Variants in MROH2B observed in about 807,000 individuals in gnomAD.
The protein encoded by MROH2B is maestro heat-like repeat-containing protein family member 2B.
MROH2B carries 177 observed loss-of-function variants against 208.6 expected under a neutral mutation model. The ratio of observed to expected loss-of-function variants is 0.85; its 90% CI spans 0.75 to 0.96. The LOEUF (loss-of-function observed/expected upper bound fraction) is 0.96. MROH2B is among the 40% of genes least tolerant of loss of function. The pLI, the probability that MROH2B is intolerant of heterozygous loss-of-function variation, is 0.00. For missense variants in MROH2B, 2,002 were observed against 1,878.7 expected, an observed-to-expected ratio of 1.07 and a Z score of -1.21; for synonymous variants, 728 against 659.0, an observed-to-expected ratio of 1.10 and a Z score of -1.60.
intron 6 of MROH2B, among the ~76,000 whole-genome samples, chr5:41,058,719 T>C (rs1390465426): frequency 6.6e-6 from 1 of 152,174 alleles, no homozygotes; most frequent in Non-Finnish European, 1.5e-5. Context: ...CACTTTCTTT[T>C]AGTATATTAA....
chr5:41,009,278 A>G lies in MROH2B; in HGVS notation c.3420+2T>C. 1 of 1,613,786 alleles carries G rather than the reference A, an allele frequency of 6.2e-7. No homozygotes were observed. Among genetic ancestry groups the G allele is most frequent in the Non-Finnish European group, 8.5e-7 (1 of 1,179,762 alleles). ...GTGATGGGTTCAGGCTGTCCAACTC[A>G]CTGAAATTGCCTCAACCCTGGCGAT... On this transcript the variant is annotated splice_donor_variant, in intron 32 of 41. Transcript: ENST00000399564. LOFTEE classifies it high-confidence loss of function.
intron 11 of MROH2B, among the ~76,000 whole-genome samples, chr5:41,053,575 A>G (rs1028782529): frequency 2.0e-5 from 3 of 152,194 alleles, no homozygotes; most frequent in African/African-American, 2.4e-5. Flanking sequence ...ACCATTTTGA[A>G]CAGGGAAGCA....
chr5:41,010,894 C>G (rs1292303451), intron 30 of MROH2B, among the ~76,000 whole-genome samples: 1 of 152,144 alleles, frequency 6.6e-6, no homozygotes, highest in East Asian at 1.9e-4. Context: ...TAGATGGGAA[C>G]TGTGCTTAAT....
intron 21 of MROH2B, among the ~76,000 whole-genome samples, chr5:41,034,342 C>G (rs1025220362): frequency 5.3e-5 from 8 of 152,082 alleles, no homozygotes; most frequent in African/African-American, 1.9e-4. Context: ...TCAGAGAATA[C>G]TTTTAGTACA....
rs539774596 is a variant in MROH2B, at chr5:41,039,439, T to G, written c.2061+9A>C. The G allele has an allele frequency of 1.4e-5, 21 of 1,517,826 alleles. No individual in the cohort carries two copies. In the African/African-American group the frequency reaches 2.9e-4, roughly 21 times the overall value. The allele number at this position is 1,517,826 out of a possible 1,614,324, so 94.0% of individuals were successfully genotyped here. A position where few individuals can be genotyped will look rare whatever the true frequency, so the allele number is the denominator to read the frequency against. On this transcript the variant is annotated intron_variant, in intron 20 of 41. Transcript: ENST00000399564. ...ATACTGAGAATTTGAAGGAGATGAT[T>G]CTTCTTACCTTACATCGATTCATGA...
chr5:41,023,667 C>A (rs1742242253), intron 24 of MROH2B, among the ~76,000 whole-genome samples: 1 of 152,036 alleles, frequency 6.6e-6, no homozygotes, highest in South Asian at 2.1e-4. Flanking sequence ...CATTCAAATT[C>A]AGGAAATACA....
intron 18 of MROH2B, among the ~76,000 whole-genome samples, chr5:41,045,390 GGC>G (rs1262208618): frequency 1.3e-5 from 2 of 152,140 alleles, no homozygotes; most frequent in Non-Finnish European, 2.9e-5. Context: ...TCACAAGACT[GGC>G]ATAATGGAAG....
intron 21 of MROH2B, chr5:41,034,125 G>C: frequency 1.1e-6 from 1 of 938,320 alleles, no homozygotes. Flanking sequence ...TTCGAGTCTT[G>C]TGTTTTCAGC....
rs1486304665 is a variant in MROH2B at position 41,005,483 on chromosome 5, A to T, written c.3864+48T>A. ...CTGGGCTCCAGACCATAAGAGAAAT[A>T]CCCTATGGGGACCCAGTGAGTGTGC... On this transcript the variant is annotated intron_variant, in intron 35 of 41. Coordinates refer to ENST00000399564, the MANE Select transcript of MROH2B (RefSeq NM_173489.5). 2.4e-6 allele frequency: 3 copies of T among 1,234,546 alleles called. No homozygotes were observed. In the Admixed American group the frequency reaches 6.7e-5, roughly 28 times the overall value. The allele number at this position is 1,234,546 out of a possible 1,614,324, so 76.5% of individuals were successfully genotyped here. A position where few individuals can be genotyped will look rare whatever the true frequency, so the allele number is the denominator to read the frequency against.
At chr5:41,052,980 A>G (rs1453722539) in intron 11 of MROH2B, among the ~76,000 whole-genome samples, 2 of 152,152 alleles carry the variant, frequency 1.3e-5, no homozygotes, top group African/African-American at 4.8e-5. Context: ...GTATAAATAG[A>G]GGGAGAAGAA....
chr5:41,005,633 C>T lies in MROH2B; in HGVS notation c.3762G>A (p.Val1254=). 6.2e-7 allele frequency: 1 copy of T among 1,610,650 alleles called. No homozygotes were observed. Among genetic ancestry groups the T allele is most frequent in the East Asian group, 2.2e-5 (1 of 44,800 alleles). Residue 1254 remains valine, a synonymous_variant, in exon 35 of 42, where the codon GTG becomes GTA. Coordinates refer to ENST00000399564, the MANE Select transcript of MROH2B (RefSeq NM_173489.5). ...TGTCCAGTATGACTCCGTGTTGCCA[C>T]ACTGCCATGCTCCTAGAAAATGCAC... ...GVCSLARSMA[V]WQHGVILDIM... is the part of the protein sequence containing the mutation.
chr5:41,047,190 G>A (rs577517797), intron 17 of MROH2B, among the ~76,000 whole-genome samples: 1 of 152,108 alleles, frequency 6.6e-6, no homozygotes, highest in African/African-American at 2.4e-5. Flanking sequence ...ACTATTTCTG[G>A]GATTTGGTAT....
At chr5:41,050,771 T>A (rs1017662615) in intron 13 of MROH2B, among the ~76,000 whole-genome samples, 16 of 152,202 alleles carry the variant, frequency 1.1e-4, no homozygotes, top group Non-Finnish European at 8.8e-5. Context: ...ACTATCCAGA[T>A]GTAAGATACT....
chr5:41,052,359 T>C, intron 12 of MROH2B, 106 bp downstream of exon 12: 2 of 1,088,806 alleles, frequency 1.8e-6, no homozygotes, highest in Non-Finnish European at 2.4e-6. Flanking sequence ...TTTTTTACTC[T>C]ACTCCTGTGA....
rs548835777 is a variant in MROH2B at position 41,005,980 on chromosome 5, G to C, written c.3750-335C>G. On this transcript the variant is annotated intron_variant, in intron 34 of 41. Coordinates refer to ENST00000399564, the MANE Select transcript of MROH2B (RefSeq NM_173489.5). ...CAGGAGACAGAGGTTGCAGTCAGCCGAGATCGCGCCACTGCACACTCCAGC... is the reference window on the plus strand; with the variant it reads ...CAGGAGACAGAGGTTGCAGTCAGCCCAGATCGCGCCACTGCACACTCCAGC... Among the ~76,000 whole-genome samples, 13 of 147,332 alleles carry C rather than the reference G, an allele frequency of 8.8e-5. No homozygotes were observed. The East Asian group carries it at 2.4e-3, about 27-fold the overall frequency.
At chr5:41,046,664 C>T (rs1272064966) in intron 17 of MROH2B, among the ~76,000 whole-genome samples, 1 of 151,500 alleles carries the variant, frequency 6.6e-6, no homozygotes, top group Non-Finnish European at 1.5e-5. Flanking sequence ...AAAAAAAAGA[C>T]CAGAAAATAT....
intron 24 of MROH2B, among the ~76,000 whole-genome samples, chr5:41,025,769 T>A (rs1742335188): frequency 6.6e-6 from 1 of 152,082 alleles, no homozygotes; most frequent in South Asian, 2.1e-4. Context: ...CTGATGAACA[T>A]CAATGCAAAA....
Position 41,004,868 on chromosome 5 carries a change from A to C in MROH2B, c.3917T>G (p.Ile1306Ser), listed in dbSNP as rs376334380. The C allele has an allele frequency of 6.2e-7, 1 of 1,613,994 alleles. No homozygotes were observed. The highest frequency in any genetic ancestry group is 8.5e-7 in the Non-Finnish European group (1 of 1,179,874). Residue 1306 changes from isoleucine to serine, a missense_variant, in exon 36 of 42, where the codon ATC becomes AGC. Coordinates refer to ENST00000399564, the MANE Select transcript of MROH2B (RefSeq NM_173489.5). ...WKHGNLRNVL[I>S]LMDQSAWDSN... ...GTCCCAGGCACTTTGATCCATCAAGATCAGCACATTTCGCAGATTCCCATG... is the reference window on the plus strand; with the variant it reads ...GTCCCAGGCACTTTGATCCATCAAGCTCAGCACATTTCGCAGATTCCCATG...
chr5:41,006,826 G>C (rs1298859724), intron 34 of MROH2B, among the ~76,000 whole-genome samples: 1 of 151,798 alleles, frequency 6.6e-6, no homozygotes, highest in Admixed American at 6.6e-5. Context: ...GGACTTTGGG[G>C]GTTTGGGGGA....
Sources: gnomAD v4.1 joint callset for allele counts (sites outside exome capture counted in the v4.1 genomes callset) on GRCh38, gnomAD v4.1.1 for gene constraint, MANE v1.5 for transcripts, NCBI Gene and HGNC (gene_info 2026-07-23, HGNC 2026-07-21) for gene names.